RRP15: variants seen among roughly 807,000 people sequenced by gnomAD.
RRP15 encodes RRP15-like protein.
A neutral mutation model predicts 27.1 loss-of-function variants in RRP15; 18 were observed. The observed-to-expected ratio is 0.66, with a 90% CI of 0.46 to 0.98. The LOEUF (loss-of-function observed/expected upper bound fraction) is 0.98. RRP15 is among the 50% of genes least tolerant of loss of function. The pLI, the probability that RRP15 is intolerant of heterozygous loss-of-function variation, is 0.00. For synonymous variants in RRP15, 107 were observed against 109.4 expected, an observed-to-expected ratio of 0.98 and a Z score of 0.14; for missense variants, 359 against 337.8, an observed-to-expected ratio of 1.06 and a Z score of -0.49.
chr1:218,310,073 A>G (rs1236100314), intron 4 of RRP15, among the ~76,000 whole-genome samples: 2 of 152,212 alleles, frequency 1.3e-5, no homozygotes, highest in Admixed American at 6.5e-5. Context: ...CTATTCAGAA[A>G]TGAATCATTG....
At chr1:218,326,026 C>T (rs1462579466) in intron 4 of RRP15, among the ~76,000 whole-genome samples, 14 of 152,108 alleles carry the variant, frequency 9.2e-5, no homozygotes, top group East Asian at 3.9e-4. Flanking sequence ...AACTGTTGGC[C>T]GAGTGTGGTG....
intron 4 of RRP15, among the ~76,000 whole-genome samples, chr1:218,308,309 T>G (rs925043439): frequency 6.6e-6 from 1 of 151,984 alleles, no homozygotes; most frequent in African/African-American, 2.4e-5. Flanking sequence ...TGACCTCAGG[T>G]GATCCACTCG....
chr1:218,285,978 C>T (rs1274485253), intron 1 of RRP15, among the ~76,000 whole-genome samples: 2 of 152,102 alleles, frequency 1.3e-5, no homozygotes, highest in Admixed American at 6.5e-5. Flanking sequence ...CTCAGAGACG[C>T]TTGATAATAA....
intron 4 of RRP15, among the ~76,000 whole-genome samples, chr1:218,323,435 G>A (rs1326388924): frequency 6.6e-6 from 1 of 152,160 alleles, no homozygotes; most frequent in East Asian, 1.9e-4. Context: ...TGAGTTCGGG[G>A]CTTTTTATGG....
rs771276806 is a variant in RRP15 at position 218,335,432 on chromosome 1, A to G, written c.*4341A>G. 4.6e-5 allele frequency: 7 copies of G among 152,148 alleles called. No individual in the cohort carries two copies. The highest frequency in any genetic ancestry group is 8.8e-5 in the Non-Finnish European group (6 of 68,030). The allele number at this position is 152,148 out of a possible 1,614,324, so 9.4% of individuals were successfully genotyped here. Reference sequence around the variant, plus strand: ...TATATGTTAGAAGAGTGGGCATAATACTTTATATTAAAATTATAGGGACTA... The same window carrying G: ...TATATGTTAGAAGAGTGGGCATAATGCTTTATATTAAAATTATAGGGACTA... On this transcript the variant is annotated 3_prime_UTR_variant, in exon 5 of 5. Coordinates refer to ENST00000366932, the MANE Select transcript of RRP15 (RefSeq NM_016052.4).
At position 218,309,225 on chromosome 1, in the gene RRP15, T is replaced by C. The variant is rs74717166; in HGVS notation, c.705+1593T>C. ...TTTGTTTCTAGAACACCCTGCCCCA[T>C]GCCATCAATACCCTGACATATTTCT... On this transcript the variant is annotated intron_variant, in intron 4 of 4. Coordinates refer to ENST00000366932, the MANE Select transcript of RRP15 (RefSeq NM_016052.4). 6.7e-3 allele frequency among the ~76,000 whole-genome samples: 1,025 copies of C among 152,314 alleles called. 6 individuals carry two copies. Among genetic ancestry groups the C allele is most frequent in the African/African-American group, 0.023 (946 of 41,566 alleles).
chr1:218,290,445 G>GT (rs1558200485), intron 1 of RRP15, among the ~76,000 whole-genome samples: 1 of 151,478 alleles, frequency 6.6e-6, no homozygotes, highest in African/African-American at 2.4e-5. Context: ...TTTTTTTTGG[G>GT]TTTTTTGTTT....
rs1452475066 is a variant in RRP15 at position 218,331,437 on chromosome 1, A to C, written c.*346A>C. 1.3e-5 allele frequency: 2 copies of C among 157,742 alleles called. No homozygotes were observed. The highest frequency in any genetic ancestry group is 2.8e-5 in the Non-Finnish European group (2 of 72,470). 9.8% of individuals were successfully genotyped at this position (157,742 alleles called of 1,614,324 possible). ...AAATACAGTACTAATTCATCATTAA[A>C]CTCTTTGAAGTTAATATTTTTCTGC... On this transcript the variant is annotated 3_prime_UTR_variant, in exon 5 of 5. Transcript: ENST00000366932.
rs1656377829 is a variant in RRP15, at chr1:218,331,939, A to G, written c.*848A>G. 6.6e-6 allele frequency: 1 copy of G among 151,978 alleles called. No individual in the cohort carries two copies. The highest frequency in any genetic ancestry group is 2.1e-4 in the South Asian group (1 of 4,802). The allele number at this position is 151,978 out of a possible 1,614,324, so 9.4% of individuals were successfully genotyped here. The stretch of plus-strand genomic sequence containing the variant: ...GTGATCCACCCGCCTCGGCCTCCCA[A>G]AGTGCTGGGATTACAGGCGTGAGCC... On this transcript the variant is annotated 3_prime_UTR_variant, in exon 5 of 5. Transcript: ENST00000366932.
chr1:218,328,333 G>T (rs1326237837), intron 4 of RRP15, among the ~76,000 whole-genome samples: 2 of 152,062 alleles, frequency 1.3e-5, no homozygotes, highest in Non-Finnish European at 2.9e-5. Context: ...CCTTCCTTTG[G>T]TCTACTATTG....
chr1:218,310,851 C>T (rs902512736), intron 4 of RRP15, among the ~76,000 whole-genome samples: 10 of 151,970 alleles, frequency 6.6e-5, no homozygotes, highest in South Asian at 2.1e-4. Context: ...TGGGTTCAAG[C>T]GATTCTCCTG....
intron 1 of RRP15, among the ~76,000 whole-genome samples, chr1:218,287,732 A>G (rs1655572781): frequency 6.6e-6 from 1 of 152,194 alleles, no homozygotes; most frequent in African/African-American, 2.4e-5. Context: ...ATAATATACT[A>G]TGTTATTATA....
At chr1:218,310,857 T>A (rs992995144) in intron 4 of RRP15, among the ~76,000 whole-genome samples, 2 of 152,126 alleles carry the variant, frequency 1.3e-5, no homozygotes, top group Non-Finnish European at 2.9e-5. Context: ...CAAGCGATTC[T>A]CCTGTCTCAG....
At chr1:218,327,778 C>T (rs1656296877) in intron 4 of RRP15, among the ~76,000 whole-genome samples, 2 of 152,072 alleles carry the variant, frequency 1.3e-5, no homozygotes, top group East Asian at 3.9e-4. Context: ...GATGTCCATA[C>T]TTAAGGCATA....
At chr1:218,304,360 A>G (rs1194053442) in intron 2 of RRP15, among the ~76,000 whole-genome samples, 2 of 152,236 alleles carry the variant, frequency 1.3e-5, no homozygotes, top group Non-Finnish European at 2.9e-5. Flanking sequence ...TGGGACCAGG[A>G]TACTATTTAA....
chr1:218,330,856 A>C, intron 4 of RRP15, 92 bp from the exon 5 acceptor site: 1 of 1,033,286 alleles, frequency 9.7e-7, no homozygotes, highest in Non-Finnish European at 1.4e-6. Context: ...TTAAAAACTA[A>C]GCATTGAAAA....
rs1197091570 is a variant in RRP15, at chr1:218,336,762, TTATAAA to T, written c.*5678_*5683del. 2.0e-5 allele frequency: 3 copies of T among 152,196 alleles called. No homozygotes were observed. Among genetic ancestry groups the T allele is most frequent in the Non-Finnish European group, 2.9e-5 (2 of 68,044 alleles). The allele number at this position is 152,196 out of a possible 1,614,324, so 9.4% of individuals were successfully genotyped here. A position where few individuals can be genotyped will look rare whatever the true frequency, so the allele number is the denominator to read the frequency against. On this transcript the variant is annotated 3_prime_UTR_variant, in exon 5 of 5. Coordinates refer to ENST00000366932, the MANE Select transcript of RRP15 (RefSeq NM_016052.4). ...GCAACACTGGGTTCTCTTAAGTATA[TTATAAA>T]TATAAAAGCTCAAAGTCCAAAAGGT...
intron 4 of RRP15, among the ~76,000 whole-genome samples, chr1:218,312,275 CTTTTTTCTTTT>C (rs1656006044): frequency 7.0e-6 from 1 of 143,814 alleles, no homozygotes; most frequent in Non-Finnish European, 1.5e-5. Context: ...TTCTTTCTTT[CTTTTTTCTTTT>C]TTTTTTTTTT....
chr1:218,318,546 A>G (rs920076287), intron 4 of RRP15, among the ~76,000 whole-genome samples: 3 of 152,156 alleles, frequency 2.0e-5, no homozygotes, highest in African/African-American at 7.2e-5. Flanking sequence ...ATCTTGTTCT[A>G]TGCCTTTTTC....
Sources: gnomAD v4.1 joint callset for allele counts (sites outside exome capture counted in the v4.1 genomes callset) on GRCh38, gnomAD v4.1.1 for gene constraint, MANE v1.5 for transcripts, NCBI Gene and HGNC (gene_info 2026-07-23, HGNC 2026-07-21) for gene names.